Variants in RAD51B observed in about 807,000 individuals in gnomAD.
RAD51B encodes RAD51 paralog B.
Under a neutral mutation model 42.2 loss-of-function variants are expected in RAD51B, and 38 were observed. The ratio of observed to expected loss-of-function variants is 0.90; its 90% CI spans 0.70 to 1.18. RAD51B has a LOEUF of 1.18. RAD51B is among the 50% of genes most tolerant of loss of function. The pLI is 0.00. For missense variants in RAD51B, 373 were observed against 400.7 expected (o/e 0.93, Z 0.59); for synonymous variants, 154 against 145.2 (o/e 1.06, Z -0.43).
At chr14:68,143,711 A>G (rs113029973) in intron 7 of RAD51B, among the ~76,000 whole-genome samples, 122 of 152,286 alleles carry the variant, frequency 8.0e-4, no homozygotes, top group African/African-American at 2.8e-3. Flanking sequence ...TCCAGCTGTC[A>G]CTATACTCTG....
rs1045303187 is a variant in RAD51B at position 68,217,779 on chromosome 14, G to A, written c.757-74105G>A. 3.9e-5 allele frequency among the ~76,000 whole-genome samples: 6 copies of A among 152,308 alleles called. No individual in the cohort carries two copies. The South Asian group carries it at 1.2e-3, about 32-fold the overall frequency. On this transcript the variant is annotated intron_variant, in intron 7 of 10. Transcript: ENST00000471583. ...TGGAGCAGAGAGTCGGGCACTCATAGAATATTTTTCTAAAACAGAGGAAGT... is the reference window on the plus strand; with the variant it reads ...TGGAGCAGAGAGTCGGGCACTCATAAAATATTTTTCTAAAACAGAGGAAGT...
intron 8 of RAD51B, among the ~76,000 whole-genome samples, chr14:68,331,367 CAAA>C (rs778136542): frequency 0.03 from 998 of 32,952 alleles, 56 homozygotes; most frequent in African/African-American, 0.072. Context: ...GACTCTGTCT[CAAA>C]AAAAAAAAAA....
At chr14:68,498,772 T>C (rs1384065193) in intron 10 of RAD51B, among the ~76,000 whole-genome samples, 3 of 152,236 alleles carry the variant, frequency 2.0e-5, no homozygotes, top group African/African-American at 7.2e-5. Flanking sequence ...AGACGTATAC[T>C]AAATGTATAT....
chr14:68,585,386 T>G (rs550733559), intron 10 of RAD51B, among the ~76,000 whole-genome samples: 11 of 152,314 alleles, frequency 7.2e-5, no homozygotes, highest in Admixed American at 3.9e-4. Flanking sequence ...ATTGTGGAAG[T>G]GCAGAGAGGT....
At chr14:68,139,200 A>G (rs1182026598) in intron 7 of RAD51B, among the ~76,000 whole-genome samples, 1 of 152,164 alleles carries the variant, frequency 6.6e-6, no homozygotes, top group Non-Finnish European at 1.5e-5. Context: ...TCCTCCTTCA[A>G]AGATCTCTGT....
chr14:67,952,428 A>G (rs942807482), intron 7 of RAD51B, among the ~76,000 whole-genome samples: 1 of 152,190 alleles, frequency 6.6e-6, no homozygotes, highest in African/African-American at 2.4e-5. Flanking sequence ...ACCTTGCCAT[A>G]CACTCTGACA....
intron 7 of RAD51B, 38 bp downstream of exon 7, chr14:67,887,242 CT>C: frequency 2.0e-6 from 3 of 1,482,180 alleles, no homozygotes; most frequent in Non-Finnish European, 2.8e-6. Context: ...CTTTTCCTTT[CT>C]TTTGTTTCTT....
intron 8 of RAD51B, among the ~76,000 whole-genome samples, chr14:68,407,203 A>G (rs977188926): frequency 6.6e-6 from 1 of 152,246 alleles, no homozygotes; most frequent in Non-Finnish European, 1.5e-5. Flanking sequence ...TATATATAGT[A>G]AATACATCAA....
At chr14:68,644,996 C>T (rs1892536415) in intron 10 of RAD51B, among the ~76,000 whole-genome samples, 1 of 152,226 alleles carries the variant, frequency 6.6e-6, no homozygotes, top group Admixed American at 6.5e-5. Context: ...TTAAAATACA[C>T]ATAACATAAA....
chr14:67,905,014 G>A (rs911997017), intron 7 of RAD51B, among the ~76,000 whole-genome samples: 2 of 149,636 alleles, frequency 1.3e-5, no homozygotes, highest in Non-Finnish European at 3.0e-5. Context: ...GTGTTTCCTA[G>A]GTTTTCTTCT....
intron 9 of RAD51B, among the ~76,000 whole-genome samples, chr14:68,415,022 A>C: frequency 9.6e-6 from 1 of 104,094 alleles, no homozygotes; most frequent in African/African-American, 4.1e-5. Context: ...ACAGAGCAAG[A>C]CTCTGTCTCA....
intron 7 of RAD51B, among the ~76,000 whole-genome samples, chr14:68,110,959 C>G (rs1302415519): frequency 1.3e-5 from 2 of 152,006 alleles, no homozygotes; most frequent in African/African-American, 4.8e-5. Context: ...CTTACTCTCC[C>G]TGCACTTATC....
chr14:67,929,889 A>G (rs1193038272), intron 7 of RAD51B, among the ~76,000 whole-genome samples: 4 of 151,430 alleles, frequency 2.6e-5, no homozygotes, highest in African/African-American at 9.7e-5. Flanking sequence ...GCCTCAAGTG[A>G]TCCTCCCGCC....
chr14:68,314,514 A>C (rs1054401905), intron 8 of RAD51B, among the ~76,000 whole-genome samples: 2 of 152,280 alleles, frequency 1.3e-5, no homozygotes, highest in East Asian at 3.9e-4. Context: ...AGCCCCTGGC[A>C]TTTGTTCATA....
At chr14:68,392,865 A>G (rs1483089849) in intron 8 of RAD51B, among the ~76,000 whole-genome samples, 1 of 152,124 alleles carries the variant, frequency 6.6e-6, no homozygotes, top group African/African-American at 2.4e-5. Flanking sequence ...TGATTACAAC[A>G]CAGCCCACGC....
At chr14:68,466,857 G>A in intron 9 of RAD51B, among the ~76,000 whole-genome samples, 1 of 152,168 alleles carries the variant, frequency 6.6e-6, no homozygotes, top group East Asian at 1.9e-4. Context: ...TCTGCCATAG[G>A]CTCCTAGCCA....
chr14:68,025,003 A>G (rs1175758605), intron 7 of RAD51B, among the ~76,000 whole-genome samples: 1 of 151,618 alleles, frequency 6.6e-6, no homozygotes, highest in East Asian at 1.9e-4. Context: ...AGCTTTTATT[A>G]TTTTGAAGTA....
At chr14:68,349,804 G>T (rs753692287) in intron 8 of RAD51B, among the ~76,000 whole-genome samples, 30 of 152,198 alleles carry the variant, frequency 2.0e-4, no homozygotes, top group Non-Finnish European at 3.8e-4. Context: ...AGGGAGCCTT[G>T]TGTTTTCTGT....
chr14:68,656,605 C>T (rs1053917119), intron 11 of RAD51B, among the ~76,000 whole-genome samples: 3 of 152,130 alleles, frequency 2.0e-5, no homozygotes, highest in South Asian at 2.1e-4. Context: ...CTTTCTCCTG[C>T]GCTCTGGCCC....
Sources: allele counts gnomAD v4.1 joint callset (sites outside exome capture counted in the v4.1 genomes callset), GRCh38; gene constraint gnomAD v4.1.1; transcripts MANE v1.5; gene names NCBI Gene and HGNC (gene_info 2026-07-23, HGNC 2026-07-21).